SAMD3: variants seen among roughly 807,000 people sequenced by gnomAD.
SAMD3 encodes sterile alpha motif domain-containing protein 3.
In SAMD3, 63 loss-of-function variants were observed where a neutral mutation model predicts 58.5. The observed-to-expected ratio is 1.08, with a 90% CI of 0.88 to 1.33. The LOEUF (loss-of-function observed/expected upper bound fraction) is 1.33. SAMD3 is among the 40% of genes most tolerant of loss of function. The pLI, the probability that SAMD3 is intolerant of heterozygous loss-of-function variation, is 0.00. For missense variants in SAMD3, 604 were observed against 608.4 expected, an observed-to-expected ratio of 0.99 and a Z score of 0.08; for synonymous variants, 220 against 210.3, an observed-to-expected ratio of 1.05 and a Z score of -0.40.
At chr6:130,262,636 TA>T (rs1774182367) in intron 2 of SAMD3, among the ~76,000 whole-genome samples, 1 of 151,944 alleles carries the variant, frequency 6.6e-6, no homozygotes, top group Non-Finnish European at 1.5e-5. Flanking sequence ...TTGTATAATT[TA>T]AAAGTAATTA....
chr6:130,169,792 G>A (rs1357367885), intron 8 of SAMD3, among the ~76,000 whole-genome samples: 3 of 152,310 alleles, frequency 2.0e-5, no homozygotes, highest in Non-Finnish European at 4.4e-5. Flanking sequence ...CTTGTATTTA[G>A]ACTCGTGTCC....
chr6:130,243,995 C>A (rs1442839405), intron 2 of SAMD3, among the ~76,000 whole-genome samples: 5 of 152,142 alleles, frequency 3.3e-5, no homozygotes, highest in African/African-American at 9.7e-5. Flanking sequence ...CCATTAAATT[C>A]TCATTAGATA....
chr6:130,229,876 C>G (rs895198311), intron 2 of SAMD3, among the ~76,000 whole-genome samples: 9 of 152,316 alleles, frequency 5.9e-5, no homozygotes, highest in Admixed American at 3.3e-4. Context: ...GTCAGCAAAG[C>G]TCACCACAGT....
At chr6:130,246,714 A>G (rs1434996989) in intron 2 of SAMD3, among the ~76,000 whole-genome samples, 1 of 152,006 alleles carries the variant, frequency 6.6e-6, no homozygotes, top group Admixed American at 6.6e-5. Flanking sequence ...AACATGGGAA[A>G]CCCCATCTCT....
chr6:130,276,875 A>C (rs1375053329), intron 2 of SAMD3, among the ~76,000 whole-genome samples: 2 of 152,036 alleles, frequency 1.3e-5, no homozygotes, highest in Non-Finnish European at 2.9e-5. Context: ...GGAGATGAAA[A>C]TAGGGGTGTG....
chr6:130,220,893 G>A (rs551020147), intron 1 of SAMD3, among the ~76,000 whole-genome samples: 7 of 151,174 alleles, frequency 4.6e-5, no homozygotes, highest in East Asian at 1.9e-4. Context: ...TCGCTCTGTT[G>A]CCCAGGCTGG....
rs117132089 is a variant in SAMD3 at position 130,182,484 on chromosome 6, T to G, written c.654+1619A>C. Among the ~76,000 whole-genome samples, 1,203 of 151,382 alleles carry G rather than the reference T, an allele frequency of 7.9e-3. 11 individuals are homozygous for G. Among genetic ancestry groups the G allele is most frequent in the Admixed American group, 0.015 (228 of 15,198 alleles). ...CCACTGAGAAAATTCTGTGATTCTC[T>G]CCATATATAATGAACCTTTTCTTGA... is the stretch of plus-strand genomic sequence containing the variant. On this transcript the variant is annotated intron_variant, in intron 7 of 11. Transcript: ENST00000439090.
At chr6:130,357,925 CA>C (rs1397120213) in intron 1 of SAMD3, among the ~76,000 whole-genome samples, 4 of 152,128 alleles carry the variant, frequency 2.6e-5, no homozygotes, top group Non-Finnish European at 5.9e-5. Context: ...AACAGGAAGA[CA>C]AAAGAGCTGA....
chr6:130,354,150 T>A (rs1021974470), intron 1 of SAMD3, among the ~76,000 whole-genome samples: 7 of 152,064 alleles, frequency 4.6e-5, no homozygotes, highest in African/African-American at 1.7e-4. Context: ...TCAGAATGGC[T>A]ATTATTAAAA....
intron 2 of SAMD3, among the ~76,000 whole-genome samples, chr6:130,261,946 A>G (rs1774155321): frequency 6.6e-6 from 1 of 151,504 alleles, no homozygotes. Flanking sequence ...AGAGAGAGAC[A>G]GAGAGAGAGA....
intron 1 of SAMD3, among the ~76,000 whole-genome samples, chr6:130,344,825 C>CA (rs56795907): frequency 0.099 from 4,080 of 41,128 alleles, 441 homozygotes; most frequent in African/African-American, 0.18. Context: ...ACAACAACAG[C>CA]AAAAAAAAAA....
intron 1 of SAMD3, among the ~76,000 whole-genome samples, chr6:130,359,345 C>T (rs751602524): frequency 3.6e-4 from 55 of 152,308 alleles, no homozygotes; most frequent in African/African-American, 7.7e-4. Context: ...TGGCCTCTGC[C>T]TATTTCTCCT....
chr6:130,194,124 T>C (rs1793850296), intron 5 of SAMD3, among the ~76,000 whole-genome samples: 1 of 152,220 alleles, frequency 6.6e-6, no homozygotes, highest in African/African-American at 2.4e-5. Flanking sequence ...AGTTTCATTC[T>C]GCGACTAGCC....
chr6:130,241,373 G>A (rs1232459789), intron 2 of SAMD3, among the ~76,000 whole-genome samples: 2 of 151,654 alleles, frequency 1.3e-5, no homozygotes, highest in East Asian at 3.9e-4. Context: ...GTGCCACCAC[G>A]CCCAGCTAAT....
intron 2 of SAMD3, among the ~76,000 whole-genome samples, chr6:130,267,034 G>A (rs563306196): frequency 3.9e-5 from 6 of 152,168 alleles, no homozygotes; most frequent in African/African-American, 1.2e-4. Flanking sequence ...AAACTCAGAC[G>A]AGGAATGCTA....
At position 130,316,213 on chromosome 6, in the gene SAMD3, C is replaced by A. The variant is rs1008291540; in HGVS notation, c.-303-3120G>T. Among the ~76,000 whole-genome samples, 3 of 149,660 alleles carry A rather than the reference C, an allele frequency of 2.0e-5. No individual in the cohort carries two copies. In the South Asian group the frequency reaches 6.3e-4, roughly 31 times the overall value. The stretch of plus-strand genomic sequence containing the variant: ...GGCTGAGGCAGGAGAATTGCTTGAG[C>A]CTGGGAGGCGGAGGTTGCAGTGAGC... On this transcript the variant is annotated intron_variant, in intron 1 of 13. Coordinates refer to the SAMD3 transcript ENST00000368134.
intron 8 of SAMD3, chr6:130,160,609 T>C (rs1407215182): frequency 1.3e-5 from 2 of 152,156 alleles, no homozygotes; most frequent in African/African-American, 4.8e-5. Context: ...TGGAAAACCA[T>C]AGACGGCCAG....
intron 2 of SAMD3, among the ~76,000 whole-genome samples, chr6:130,296,633 G>A (rs530643471): frequency 7.5e-4 from 114 of 152,222 alleles, no homozygotes; most frequent in Non-Finnish European, 1.3e-3. Context: ...AGTCCATGCC[G>A]TTTGAGCTTG....
intron 5 of SAMD3, among the ~76,000 whole-genome samples, chr6:130,191,593 A>G (rs1793547013): frequency 6.6e-6 from 1 of 151,534 alleles, no homozygotes; most frequent in Admixed American, 6.6e-5. Flanking sequence ...AATTAGAGGA[A>G]GCTTAAGAGT....
Sources: gnomAD v4.1 joint callset for allele counts (sites outside exome capture counted in the v4.1 genomes callset) on GRCh38, gnomAD v4.1.1 for gene constraint, MANE v1.5 for transcripts, NCBI Gene and HGNC (gene_info 2026-07-23, HGNC 2026-07-21) for gene names.